The following USP25 variants were observed in gnomAD, a reference collection of about 807,000 sequenced individuals.
USP25 encodes the protein ubiquitin carboxyl-terminal hydrolase 25.
A neutral mutation model predicts 158.5 loss-of-function variants in USP25; 85 were observed. That is an observed-to-expected ratio of 0.54 (90% CI 0.45 to 0.64). The LOEUF (loss-of-function observed/expected upper bound fraction) is 0.64. Among genes scored for constraint, USP25 ranks in the 30% least tolerant of loss-of-function variants. USP25 has a pLI of 0.00. For synonymous variants in USP25, 464 were observed against 460.4 expected (o/e 1.01, Z -0.10); for missense variants, 1,242 against 1,327.3 (o/e 0.94, Z 1.00).
chr21:15,788,415 A>C (rs1466063351), intron 4 of USP25, among the ~76,000 whole-genome samples: 1 of 152,144 alleles, frequency 6.6e-6, no homozygotes, highest in Non-Finnish European at 1.5e-5. Flanking sequence ...ATAACCAAGA[A>C]GTAGCAGCAT....
At chr21:15,868,039 C>A (rs2039731860) in intron 22 of USP25, among the ~76,000 whole-genome samples, 1 of 152,130 alleles carries the variant, frequency 6.6e-6, no homozygotes, top group Non-Finnish European at 1.5e-5. Context: ...AGATCCCAGT[C>A]CACCTCCCAT....
chr21:15,820,215 G>A (rs2037162567), intron 10 of USP25, among the ~76,000 whole-genome samples: 3 of 152,070 alleles, frequency 2.0e-5, no homozygotes, highest in Admixed American at 2.0e-4. Flanking sequence ...AAGGATGATT[G>A]GGGTAGTAAG....
intron 20 of USP25, among the ~76,000 whole-genome samples, chr21:15,850,895 G>A (rs543153724): frequency 6.6e-6 from 1 of 152,050 alleles, no homozygotes; most frequent in South Asian, 2.1e-4. Context: ...GTGCTAAACT[G>A]GGAAAGTTCT....
chr21:15,795,311 A>G (rs1245361296), intron 5 of USP25, among the ~76,000 whole-genome samples: 3 of 151,596 alleles, frequency 2.0e-5, no homozygotes, highest in South Asian at 4.1e-4. Context: ...CCTCCCATCT[A>G]TAGTACTTTG....
In USP25 at chr21:15,816,302, G is replaced by A. The variant is rs1274224943; in HGVS notation, c.932-2396G>A. Among the ~76,000 whole-genome samples the A allele has an allele frequency of 6.6e-6, 1 of 152,144 alleles. No homozygotes were observed. The highest frequency in any genetic ancestry group is 1.5e-5 in the Non-Finnish European group (1 of 68,038). On this transcript the variant is annotated intron_variant, in intron 9 of 25. Transcript: ENST00000400183. This position sits in a 1 kb window ranked among gnomAD's most constrained non-coding sequence, Gnocchi z 4.0. ...ATTCTGAGGGCTTCCCAGCCATGTGGAACTGTAGTTCCAATTAATCCTCTT... is the reference window on the plus strand; with the variant it reads ...ATTCTGAGGGCTTCCCAGCCATGTGAAACTGTAGTTCCAATTAATCCTCTT...
At chr21:15,739,090 A>G (rs1482912153) in intron 1 of USP25, among the ~76,000 whole-genome samples, 1 of 152,020 alleles carries the variant, frequency 6.6e-6, no homozygotes, top group African/African-American at 2.4e-5. Context: ...TCCTCCTTTA[A>G]CTCGGTTCTG....
intron 23 of USP25, 40 bp downstream of exon 23, chr21:15,870,187 T>G: frequency 1.4e-6 from 2 of 1,474,518 alleles, no homozygotes; most frequent in Non-Finnish European, 1.9e-6. Flanking sequence ...GCATAATTTT[T>G]GCACTTAATT....
chr21:15,792,601 A>G (rs945384520), intron 5 of USP25, among the ~76,000 whole-genome samples: 2 of 151,048 alleles, frequency 1.3e-5, no homozygotes, highest in East Asian at 3.9e-4. Context: ...GACAGCTTAA[A>G]CTTTCATATG....
chr21:15,785,473 T>C lies in USP25; in HGVS notation c.393-6029T>C, dbSNP rs567388938. On this transcript the variant is annotated intron_variant, in intron 4 of 25. Coordinates refer to ENST00000400183, the MANE Select transcript of USP25 (RefSeq NM_001283041.3). ...GTATGTTAGAGATGGTATCAAGTATTTTACCAGATCACAACTATATAAAGC... is the reference window on the plus strand; with the variant it reads ...GTATGTTAGAGATGGTATCAAGTATCTTACCAGATCACAACTATATAAAGC... Among the ~76,000 whole-genome samples, 20 of 152,258 alleles carry C rather than the reference T, an allele frequency of 1.3e-4. No individual in the cohort carries two copies. In the South Asian group the frequency reaches 4.1e-3, roughly 32 times the overall value.
intron 2 of USP25, among the ~76,000 whole-genome samples, chr21:15,764,287 A>G (rs945978880): frequency 6.7e-6 from 1 of 149,480 alleles, no homozygotes; most frequent in Non-Finnish European, 1.5e-5. Context: ...ATAGCCTATC[A>G]CCTTGCCAGG....
chr21:15,849,925 T>G, intron 20 of USP25, 53 bp downstream of exon 20: 2 of 1,288,042 alleles, frequency 1.6e-6, no homozygotes, highest in South Asian at 1.5e-5. Context: ...ATTAAACTTC[T>G]TAAAATATTT....
rs2037092721 is a variant in USP25 at position 15,818,981 on chromosome 21, T to C, written c.1080+135T>C. On this transcript the variant is annotated intron_variant, in intron 10 of 25. Transcript: ENST00000400183. ...CTCAGAGAGTATGTTTGGATTTAATTGGTAATTTAGACATTCAGGAGACCT... is the reference window on the plus strand; with the variant it reads ...CTCAGAGAGTATGTTTGGATTTAATCGGTAATTTAGACATTCAGGAGACCT... The C allele has an allele frequency of 4.4e-6, 5 of 1,128,530 alleles. No homozygotes were observed. In the East Asian group the frequency reaches 1.2e-4, roughly 27 times the overall value. 69.9% of individuals were successfully genotyped at this position (1,128,530 alleles called of 1,614,324 possible). A position where few individuals can be genotyped will look rare whatever the true frequency, so the allele number is the denominator to read the frequency against.
At chr21:15,840,455 G>A (rs1351809231) in intron 17 of USP25, among the ~76,000 whole-genome samples, 2 of 152,044 alleles carry the variant, frequency 1.3e-5, no homozygotes, top group Non-Finnish European at 2.9e-5. Context: ...CAATAAACAT[G>A]TTGGGAATGC....
At position 15,730,361 on chromosome 21, in the gene USP25, ACCGCCGCCGCCGCCGCCG is replaced by A; in HGVS notation, c.-25_-8del. The A allele has an allele frequency of 8.5e-7, 1 of 1,181,006 alleles. No homozygotes were observed. The highest frequency in any genetic ancestry group is 1.0e-6 in the Non-Finnish European group (1 of 955,844). The allele number at this position is 1,181,006 out of a possible 1,614,324, so 73.2% of individuals were successfully genotyped here. On this transcript the variant is annotated 5_prime_UTR_variant, in exon 1 of 26. Transcript: ENST00000400183. ...GCGGAGGCGCGAGGAGCCGGGCGCC[ACCGCCGCCGCCGCCGCCG>A]CCGCCGCGGGGGCCATGACCGTGGA...
chr21:15,752,151 T>G (rs1030066876), intron 1 of USP25, among the ~76,000 whole-genome samples: 1 of 152,176 alleles, frequency 6.6e-6, no homozygotes, highest in South Asian at 2.1e-4. Flanking sequence ...CAGGATGGTC[T>G]CGAACTCCTG....
chr21:15,800,955 A>G (rs1386601401), intron 6 of USP25, among the ~76,000 whole-genome samples: 1 of 151,512 alleles, frequency 6.6e-6, no homozygotes, highest in Non-Finnish European at 1.5e-5. Flanking sequence ...AAAGGGAGTC[A>G]GGATCGTCTG....
intron 22 of USP25, among the ~76,000 whole-genome samples, chr21:15,866,819 A>G (rs2039679356): frequency 1.3e-5 from 2 of 152,112 alleles, no homozygotes; most frequent in Admixed American, 1.3e-4. Flanking sequence ...TTCCCATTTG[A>G]CACACGAGAA....
chr21:15,825,199 G>C, intron 12 of USP25, 138 bp downstream of exon 12: 1 of 603,194 alleles, frequency 1.7e-6, no homozygotes, highest in South Asian at 2.5e-5. Flanking sequence ...TTTGAGTTTT[G>C]CTTGAAACTA....
At chr21:15,864,998 G>T (rs938656040) in intron 21 of USP25, among the ~76,000 whole-genome samples, 5 of 151,820 alleles carry the variant, frequency 3.3e-5, no homozygotes, top group Admixed American at 3.3e-4. Flanking sequence ...GGCTTAGAAG[G>T]GTTAAATTAG....
Sources: gnomAD v4.1 joint callset for allele counts (sites outside exome capture counted in the v4.1 genomes callset) on GRCh38, gnomAD v4.1.1 for gene constraint, Gnocchi (gnomAD v3.1) non-coding constraint, MANE v1.5 for transcripts, NCBI Gene and HGNC (gene_info 2026-07-23, HGNC 2026-07-21) for gene names.